The following NLGN1 variants were observed in gnomAD, a reference collection of about 807,000 sequenced individuals.
The protein encoded by NLGN1 is neuroligin 1, also known as neuroligin-1.
Under a neutral mutation model 65.5 loss-of-function variants are expected in NLGN1, and 12 were observed. The ratio of observed to expected loss-of-function variants is 0.18; its 90% confidence interval spans 0.12 to 0.30. The LOEUF is 0.30. Among genes scored for constraint, NLGN1 ranks in the 10% least tolerant of loss-of-function variants. The probability of loss-of-function intolerance (pLI) is 1.00; values close to 1 mark genes in which losing one functional copy is unlikely to be tolerated. For synonymous variants in NLGN1, 350 were observed against 359.5 expected (o/e 0.97, Z 0.30); for missense variants, 750 against 1,007.1 (o/e 0.74, Z 3.46).
chr3:173,783,912 T>C (rs1781564964), intron 3 of NLGN1, among the ~76,000 whole-genome samples: 2 of 152,134 alleles, frequency 1.3e-5, no homozygotes, highest in Admixed American at 6.5e-5. Flanking sequence ...AATGTTTTTT[T>C]GAAGAGATCT....
rs554904680 is a variant in NLGN1 at position 173,473,278 on chromosome 3, G to T, written c.-321+38200G>T. 6.6e-5 allele frequency among the ~76,000 whole-genome samples: 10 copies of T among 152,312 alleles called. No homozygotes were observed. The East Asian group carries it at 1.9e-3, about 29-fold the overall frequency. On this transcript the variant is annotated intron_variant, in intron 2 of 6. Coordinates refer to ENST00000457714, the Ensembl canonical transcript of NLGN1. ...AAATGTTTTGATAATACTGCAAGTT[G>T]AGAATATGAACTGTCTCAGCAAGAG...
intron 4 of NLGN1, among the ~76,000 whole-genome samples, chr3:174,211,210 T>C (rs913309000): frequency 6.6e-6 from 1 of 152,214 alleles, no homozygotes; most frequent in African/African-American, 2.4e-5. Context: ...TTCCGCAGTG[T>C]GGAAGGGGAC....
At chr3:174,237,485 A>T (rs1255256182) in intron 4 of NLGN1, among the ~76,000 whole-genome samples, 1 of 152,226 alleles carries the variant, frequency 6.6e-6, no homozygotes, top group Non-Finnish European at 1.5e-5. Flanking sequence ...CAAAATGAAC[A>T]TAACTTTCTG....
chr3:174,230,093 G>A (rs1043285532), intron 4 of NLGN1, among the ~76,000 whole-genome samples: 1 of 152,098 alleles, frequency 6.6e-6, no homozygotes, highest in Non-Finnish European at 1.5e-5. Context: ...TCCATATATG[G>A]CAGTGTGGTG....
At chr3:173,987,645 T>C (rs1289287253) in intron 4 of NLGN1, among the ~76,000 whole-genome samples, 1 of 152,176 alleles carries the variant, frequency 6.6e-6, no homozygotes, top group Non-Finnish European at 1.5e-5. Context: ...ACCACAATTA[T>C]CACCATTAAC....
chr3:173,734,066 A>G (rs1437339650), intron 3 of NLGN1, among the ~76,000 whole-genome samples: 1 of 152,142 alleles, frequency 6.6e-6, no homozygotes, highest in Admixed American at 6.6e-5. Context: ...TATTTTAATT[A>G]TTAAATACTA....
At chr3:174,184,198 T>C (rs1413253101) in intron 4 of NLGN1, among the ~76,000 whole-genome samples, 1 of 152,116 alleles carries the variant, frequency 6.6e-6, no homozygotes, top group African/African-American at 2.4e-5. Flanking sequence ...CTGTCATTTA[T>C]ACTGAAAAAA....
intron 4 of NLGN1, among the ~76,000 whole-genome samples, chr3:173,965,408 C>G (rs937933175): frequency 6.6e-6 from 1 of 151,902 alleles, no homozygotes; most frequent in East Asian, 1.9e-4. Flanking sequence ...GGCTCCACCT[C>G]CCGGGTTCAA....
chr3:174,158,798 A>C (rs1276841019), intron 4 of NLGN1, among the ~76,000 whole-genome samples: 1 of 151,642 alleles, frequency 6.6e-6, no homozygotes, highest in Non-Finnish European at 1.5e-5. Flanking sequence ...CAAACAATCA[A>C]GGCTTAGTGT....
intron 2 of NLGN1, among the ~76,000 whole-genome samples, chr3:173,517,521 T>C (rs1244636979): frequency 6.6e-6 from 1 of 152,056 alleles, no homozygotes; most frequent in East Asian, 1.9e-4. Flanking sequence ...CTAATATATA[T>C]ATATTTCACT....
exon 3 of NLGN1, chr3:173,604,609 C>T (rs1232037416): frequency 4.3e-6 from 7 of 1,613,352 alleles, no homozygotes; most frequent in Non-Finnish European, 5.9e-6. Flanking sequence ...ATGGCACTGC[C>T]CAGATGCACG....
At chr3:173,500,764 C>T (rs956247805) in intron 2 of NLGN1, among the ~76,000 whole-genome samples, 1 of 151,682 alleles carries the variant, frequency 6.6e-6, no homozygotes, top group African/African-American at 2.4e-5. Flanking sequence ...CTTATTTTCA[C>T]AGAGATACCT....
intron 4 of NLGN1, among the ~76,000 whole-genome samples, chr3:174,174,789 A>G (rs1404790506): frequency 1.3e-5 from 2 of 151,902 alleles, no homozygotes; most frequent in Non-Finnish European, 1.5e-5. Flanking sequence ...TTATAGCTGT[A>G]AACTCCTCCC....
At chr3:174,271,849 C>T (rs1415526533) in intron 4 of NLGN1, among the ~76,000 whole-genome samples, 1 of 151,652 alleles carries the variant, frequency 6.6e-6, no homozygotes, top group Non-Finnish European at 1.5e-5. Context: ...TAATTTTTAG[C>T]ATAATTGCAA....
At chr3:174,109,556 T>G (rs1033205959) in intron 4 of NLGN1, among the ~76,000 whole-genome samples, 2 of 152,070 alleles carry the variant, frequency 1.3e-5, no homozygotes, top group African/African-American at 4.8e-5. Context: ...AGAGGATCTT[T>G]TCTCTTTTTC....
intron 2 of NLGN1, among the ~76,000 whole-genome samples, chr3:173,451,714 C>T (rs903355441): frequency 7.9e-5 from 12 of 152,202 alleles, no homozygotes; most frequent in African/African-American, 1.4e-4. Context: ...CCACCCAGTT[C>T]GAGCTTCCTG....
chr3:173,893,982 G>T lies in NLGN1; in HGVS notation c.646+86150G>T, dbSNP rs541537163. Among the ~76,000 whole-genome samples the T allele has an allele frequency of 2.0e-5, 3 of 152,132 alleles. No homozygotes were observed. The East Asian group carries it at 5.8e-4, about 29-fold the overall frequency. On this transcript the variant is annotated intron_variant, in intron 4 of 6. Transcript: ENST00000457714. The stretch of plus-strand genomic sequence containing the variant: ...TTGTGACATTAATTCTAACTGAAAT[G>T]TCCTGCCAGTTTGTCCAACTTTCAC...
rs116045810 is a variant in NLGN1 at position 174,080,977 on chromosome 3, C to T, written c.647-194338C>T. Among the ~76,000 whole-genome samples, 883 of 145,130 alleles carry T rather than the reference C, an allele frequency of 6.1e-3. 11 individuals carry two copies. The highest frequency in any genetic ancestry group is 0.022 in the African/African-American group (831 of 37,092). ...TGTGTGGTGATAGGGGAAGCGCTCT[C>T]CTGCCCTGCTCATACCTGACTAGCT... On this transcript the variant is annotated intron_variant, in intron 4 of 6. Coordinates refer to ENST00000457714, the Ensembl canonical transcript of NLGN1.
intron 4 of NLGN1, among the ~76,000 whole-genome samples, chr3:174,193,588 T>C (rs1732793603): frequency 1.3e-5 from 2 of 152,304 alleles, no homozygotes; most frequent in South Asian, 4.1e-4. Flanking sequence ...CCTCTTGATG[T>C]TTTCATGAAA....
Sources: gnomAD v4.1 joint callset for allele counts (sites outside exome capture counted in the v4.1 genomes callset) on GRCh38, gnomAD v4.1.1 for gene constraint, MANE v1.5 for transcripts, NCBI Gene and HGNC (gene_info 2026-07-23, HGNC 2026-07-21) for gene names.